The following TANC1 variants were observed in gnomAD, a reference collection of about 807,000 sequenced individuals.
TANC1 encodes tetratricopeptide repeat, ankyrin repeat and coiled-coil containing 1.
A neutral mutation model predicts 149.7 loss-of-function variants in TANC1; 77 were observed. The observed-to-expected ratio is 0.51, with a 90% CI of 0.43 to 0.62. TANC1 has a LOEUF of 0.62. Ranked by LOEUF, TANC1 falls within the 20% of genes least tolerant of loss-of-function variation. The pLI is 0.00. For missense variants in TANC1, 1,985 were observed against 2,321.8 expected, an observed-to-expected ratio of 0.85 and a Z score of 2.98; for synonymous variants, 854 against 925.0, an observed-to-expected ratio of 0.92 and a Z score of 1.39.
intron 2 of TANC1, among the ~76,000 whole-genome samples, chr2:159,040,608 A>T (rs1015003154): frequency 6.6e-6 from 1 of 152,190 alleles, no homozygotes. Flanking sequence ...TTTCAGCTCC[A>T]TCAGGTCATT....
intron 4 of TANC1, among the ~76,000 whole-genome samples, chr2:159,120,669 G>A (rs897150692): frequency 2.6e-5 from 4 of 152,070 alleles, no homozygotes; most frequent in African/African-American, 9.7e-5. Flanking sequence ...GTGGCACAAT[G>A]GATCATCACT....
intron 19 of TANC1, among the ~76,000 whole-genome samples, chr2:159,203,436 A>C (rs1245854176): frequency 6.6e-6 from 1 of 151,836 alleles, no homozygotes; most frequent in African/African-American, 2.4e-5. Flanking sequence ...CCATCTCCTG[A>C]CCTCATGATC....
chr2:159,135,323 TTTG>T (rs1250394596), intron 4 of TANC1, among the ~76,000 whole-genome samples: 2 of 152,270 alleles, frequency 1.3e-5, no homozygotes, highest in African/African-American at 2.4e-5. Flanking sequence ...CAAAGAACAT[TTTG>T]TTGTTGTCAT....
chr2:158,990,958 A>G (rs2035559910), intron 1 of TANC1, among the ~76,000 whole-genome samples: 2 of 151,862 alleles, frequency 1.3e-5, no homozygotes, highest in Non-Finnish European at 2.9e-5. Context: ...CTCCAGTCCC[A>G]GCTAGTGAGG....
At chr2:159,140,951 A>G (rs781306315) in intron 5 of TANC1, among the ~76,000 whole-genome samples, 38 of 152,148 alleles carry the variant, frequency 2.5e-4, no homozygotes, top group Non-Finnish European at 4.4e-4. Context: ...TTGGCCTCCC[A>G]AAGTGCCAGG....
chr2:159,004,074 T>G, intron 2 of TANC1: 2 of 1,612,214 alleles, frequency 1.2e-6, no homozygotes, highest in Non-Finnish European at 1.7e-6. Flanking sequence ...AGTCCAAGCT[T>G]CCCTTTCTGC....
At chr2:158,997,539 C>T (rs1303982858) in intron 1 of TANC1, among the ~76,000 whole-genome samples, 2 of 152,116 alleles carry the variant, frequency 1.3e-5, no homozygotes, top group Admixed American at 1.3e-4. Context: ...GTAACCAGGA[C>T]TCCTTGAAGA....
intron 8 of TANC1, among the ~76,000 whole-genome samples, chr2:159,163,939 A>G (rs952710458): frequency 2.0e-5 from 3 of 152,226 alleles, no homozygotes; most frequent in Admixed American, 6.5e-5. Flanking sequence ...CAAACTTACA[A>G]ACTTATTTTT....
chr2:159,188,626 G>A (rs1230818942), intron 16 of TANC1, among the ~76,000 whole-genome samples: 4 of 152,238 alleles, frequency 2.6e-5, no homozygotes, highest in East Asian at 1.9e-4. Flanking sequence ...TCCCTTGGCC[G>A]GGAGATCCAG....
intron 2 of TANC1, among the ~76,000 whole-genome samples, chr2:159,013,012 A>G (rs1224653257): frequency 6.6e-6 from 1 of 152,102 alleles, no homozygotes; most frequent in African/African-American, 2.4e-5. Flanking sequence ...AGGGGGATGT[A>G]TGTGTGTGAT....
chr2:158,998,399 A>G (rs1214162021), intron 1 of TANC1, among the ~76,000 whole-genome samples: 2 of 152,194 alleles, frequency 1.3e-5, no homozygotes, highest in East Asian at 3.9e-4. Flanking sequence ...GTAAATTGCA[A>G]ACATCAGTAC....
chr2:159,099,392 C>T (rs2046438827), intron 4 of TANC1, among the ~76,000 whole-genome samples: 1 of 151,872 alleles, frequency 6.6e-6, no homozygotes, highest in Admixed American at 6.6e-5. Context: ...CTGGGTTATC[C>T]TGATTGGAAT....
At position 159,175,177 on chromosome 2, in the gene TANC1, G is replaced by A; in HGVS notation, c.1728G>A (p.Leu576=). The change falls in exon 12 of 27, where the codon CTG becomes CTA. Residue 576 remains leucine (L), a synonymous_variant. Transcript: ENST00000263635. ...KRGVLEPLTN[L]RNEQKIPEEE... ...GAGTGCTGGAGCCACTCACAAACCT[G>A]AGAAATGGTACTTCGCAGCAGCTAC... 1 of 1,613,668 alleles carries A rather than the reference G, an allele frequency of 6.2e-7. No individual in the cohort carries two copies.
At chr2:158,968,981 T>C (rs781774271) in intron 1 of TANC1, among the ~76,000 whole-genome samples, 199 bp downstream of exon 1, 9 of 151,558 alleles carry the variant, frequency 5.9e-5, no homozygotes, top group Admixed American at 1.3e-4. Flanking sequence ...CACAGACATG[T>C]TGGGCGCCCC....
At chr2:159,084,414 T>C (rs2149809412) in intron 3 of TANC1, among the ~76,000 whole-genome samples, 1 of 152,312 alleles carries the variant, frequency 6.6e-6, no homozygotes, top group Admixed American at 6.5e-5. Flanking sequence ...GAACATGTTT[T>C]TGTGGGGAAG....
At chr2:159,087,514 TG>T (rs1367938140) in intron 3 of TANC1, among the ~76,000 whole-genome samples, 2 of 150,092 alleles carry the variant, frequency 1.3e-5, no homozygotes, top group African/African-American at 5.0e-5. Context: ...GTTTTGTTTT[TG>T]TTTTTTTTTT....
chr2:159,116,454 C>CAA (rs779142844), intron 4 of TANC1, among the ~76,000 whole-genome samples: 3 of 140,478 alleles, frequency 2.1e-5, no homozygotes, highest in East Asian at 4.1e-4. Flanking sequence ...ACAACAACAA[C>CAA]AAAAAAAAAA....
chr2:159,075,686 A>AT lies in TANC1; in HGVS notation c.61+9716dup, dbSNP rs551212326. ...TTTAAATACAATGTCATTTTTTTGT[A>AT]TAAAAAAAAGCCTAAGATTTTATTG... On this transcript the variant is annotated intron_variant, in intron 3 of 26. Transcript: ENST00000263635. 5.6e-4 allele frequency among the ~76,000 whole-genome samples: 86 copies of AT among 152,266 alleles called. 2 individuals are homozygous for AT. The East Asian group carries it at 0.015, about 26-fold the overall frequency.
intron 19 of TANC1, among the ~76,000 whole-genome samples, chr2:159,214,950 C>T (rs907711458): frequency 1.3e-5 from 2 of 152,156 alleles, no homozygotes; most frequent in African/African-American, 4.8e-5. Flanking sequence ...CGGAATCAGC[C>T]AGGCCTACAG....
Sources: allele counts gnomAD v4.1 joint callset (sites outside exome capture counted in the v4.1 genomes callset), GRCh38; gene constraint gnomAD v4.1.1; transcripts MANE v1.5; gene names NCBI Gene and HGNC (gene_info 2026-07-23, HGNC 2026-07-21).